The following ATP6V1H variants were observed in gnomAD, a reference collection of about 807,000 sequenced individuals.
The protein encoded by ATP6V1H is V-type proton ATPase subunit H.
A neutral mutation model predicts 71.7 loss-of-function variants in ATP6V1H; 39 were observed. The ratio of observed to expected loss-of-function variants is 0.54; its 90% CI spans 0.42 to 0.71. The LOEUF is 0.71. Among genes scored for constraint, ATP6V1H ranks in the 30% least tolerant of loss-of-function variants. ATP6V1H has a pLI of 0.00. For synonymous variants in ATP6V1H, 192 were observed against 199.3 expected, an observed-to-expected ratio of 0.96 and a Z score of 0.31; for missense variants, 509 against 594.9, an observed-to-expected ratio of 0.86 and a Z score of 1.50.
intron 7 of ATP6V1H, among the ~76,000 whole-genome samples, chr8:53,805,845 T>C (rs1037140876): frequency 2.0e-5 from 3 of 152,162 alleles, no homozygotes; most frequent in Non-Finnish European, 4.4e-5. Flanking sequence ...TGAATGAATT[T>C]CATAGACACA....
In ATP6V1H at chr8:53,769,615, T is replaced by C; in HGVS notation, c.1175+3A>G. 6.2e-7 allele frequency: 1 copy of C among 1,610,070 alleles called. No homozygotes were observed. Among genetic ancestry groups the C allele is most frequent in the Non-Finnish European group, 8.5e-7 (1 of 1,178,442 alleles). ...AGAGTGTAAAGTAGAACAAAAAACT[T>C]ACTTCAAGAGTTCATAATTCTTCTC... is the stretch of plus-strand genomic sequence containing the variant. On this transcript the variant is annotated splice_donor_region_variant and intron_variant, in intron 11 of 13. Transcript: ENST00000359530.
At chr8:53,732,613 A>G (rs1807061879) in intron 13 of ATP6V1H, among the ~76,000 whole-genome samples, 1 of 151,864 alleles carries the variant, frequency 6.6e-6, no homozygotes, top group Admixed American at 6.6e-5. Context: ...TAAACATAAT[A>G]TAGACAAAAC....
chr8:53,781,526 C>G (rs1809133119), intron 9 of ATP6V1H, among the ~76,000 whole-genome samples: 1 of 152,168 alleles, frequency 6.6e-6, no homozygotes, highest in South Asian at 2.1e-4. Context: ...TTTTGCTGTG[C>G]AGAAGTTCTT....
intron 6 of ATP6V1H, among the ~76,000 whole-genome samples, chr8:53,814,332 T>C (rs1396174343): frequency 2.0e-5 from 3 of 152,106 alleles, no homozygotes; most frequent in African/African-American, 7.2e-5. Context: ...CACACGCACG[T>C]GCTCTTTGGA....
chr8:53,816,153 CATA>C (rs1275135869), intron 5 of ATP6V1H, among the ~76,000 whole-genome samples: 1 of 152,082 alleles, frequency 6.6e-6, no homozygotes, highest in African/African-American at 2.4e-5. Flanking sequence ...ATAGATATTT[CATA>C]ATGTCCACAA....
chr8:53,837,919 A>G (rs765783193), intron 2 of ATP6V1H, among the ~76,000 whole-genome samples: 4 of 152,116 alleles, frequency 2.6e-5, no homozygotes, highest in Non-Finnish European at 5.9e-5. Context: ...TGGGCTGGAC[A>G]TGGACTGTGA....
intron 13 of ATP6V1H, among the ~76,000 whole-genome samples, chr8:53,730,603 T>C (rs1222653873): frequency 6.6e-6 from 1 of 152,196 alleles, no homozygotes; most frequent in East Asian, 1.9e-4. Flanking sequence ...TGAGGAGATC[T>C]GTGCCCACGT....
chr8:53,810,383 C>T (rs1018627189), intron 7 of ATP6V1H, among the ~76,000 whole-genome samples: 8 of 152,138 alleles, frequency 5.3e-5, no homozygotes, highest in Admixed American at 5.2e-4. Context: ...ACTTGGGGAG[C>T]CATAATTAAT....
At chr8:53,839,581 C>CTA (rs1811279287) in intron 2 of ATP6V1H, 1 of 983,240 alleles carries the variant, frequency 1.0e-6, no homozygotes, top group Non-Finnish European at 1.2e-6. Flanking sequence ...TTGGTTACTG[C>CTA]TATAGCTTCT....
intron 1 of ATP6V1H, 43 bp from the exon 2 acceptor site, chr8:53,841,768 CT>C (rs908729927): frequency 3.3e-5 from 50 of 1,537,812 alleles, no homozygotes; most frequent in South Asian, 1.1e-4. Flanking sequence ...CGAGGTGTTT[CT>C]TTTTTTTACA....
At position 53,814,774 on chromosome 8, in the gene ATP6V1H, C is replaced by T. The variant is rs778824554; in HGVS notation, c.421-8G>A. ...GGCAATAATTCTTGCTGCCTGAAAA[C>T]AAATAAGAGATACATTTAACGCAAC... On this transcript the variant is annotated splice_region_variant and splice_polypyrimidine_tract_variant and intron_variant, in intron 5 of 13. Coordinates refer to ENST00000359530, the MANE Select transcript of ATP6V1H (RefSeq NM_015941.4). 1.9e-6 allele frequency: 3 copies of T among 1,577,584 alleles called. No homozygotes were observed. Among genetic ancestry groups the T allele is most frequent in the Non-Finnish European group, 2.6e-6 (3 of 1,148,866 alleles).
chr8:53,728,172 C>T (rs187841478), intron 13 of ATP6V1H, among the ~76,000 whole-genome samples: 48 of 152,214 alleles, frequency 3.2e-4, no homozygotes, highest in African/African-American at 2.4e-4. Context: ...TCCATTATTC[C>T]GGGAAAATGT....
At chr8:53,830,548 G>A (rs1240877900) in intron 3 of ATP6V1H, among the ~76,000 whole-genome samples, 1 of 151,356 alleles carries the variant, frequency 6.6e-6, no homozygotes, top group Non-Finnish European at 1.5e-5. Flanking sequence ...ACCTATTTAA[G>A]CAAAATTAAA....
chr8:53,732,390 AC>A, intron 13 of ATP6V1H, among the ~76,000 whole-genome samples: 2 of 152,320 alleles, frequency 1.3e-5, no homozygotes, highest in South Asian at 4.1e-4. Flanking sequence ...ACGTTACAGA[AC>A]CTTAAAAAAG....
At chr8:53,793,837 G>T (rs902200254) in intron 9 of ATP6V1H, among the ~76,000 whole-genome samples, 1 of 152,154 alleles carries the variant, frequency 6.6e-6, no homozygotes, top group Non-Finnish European at 1.5e-5. Flanking sequence ...TACTCAGGTG[G>T]CTGAGGCACG....
chr8:53,831,385 A>C (rs57838567), intron 3 of ATP6V1H, among the ~76,000 whole-genome samples: 1 of 152,178 alleles, frequency 6.6e-6, no homozygotes, highest in East Asian at 1.9e-4. Context: ...ATAAACATAG[A>C]AAACGTGCAG....
intron 9 of ATP6V1H, among the ~76,000 whole-genome samples, chr8:53,780,096 T>G (rs956318969): frequency 6.6e-6 from 1 of 150,798 alleles, no homozygotes; most frequent in African/African-American, 2.4e-5. Flanking sequence ...GAGGTAGAGG[T>G]TGCAGCGAGC....
intron 12 of ATP6V1H, among the ~76,000 whole-genome samples, chr8:53,747,197 T>A (rs755776838): frequency 4.6e-5 from 7 of 152,242 alleles, no homozygotes; most frequent in Non-Finnish European, 1.0e-4. Flanking sequence ...TAAACATGGC[T>A]GTTTAGAAGC....
chr8:53,811,543 T>C (rs983429688), intron 6 of ATP6V1H, among the ~76,000 whole-genome samples: 2 of 152,222 alleles, frequency 1.3e-5, no homozygotes, highest in African/African-American at 4.8e-5. Flanking sequence ...GAATTGTTTT[T>C]CCAGTAAAAT....
Sources: allele counts gnomAD v4.1 joint callset (sites outside exome capture counted in the v4.1 genomes callset), GRCh38; gene constraint gnomAD v4.1.1; transcripts MANE v1.5; gene names NCBI Gene and HGNC (gene_info 2026-07-23, HGNC 2026-07-21).